The following PPM1B variants were observed in gnomAD, a reference collection of about 807,000 sequenced individuals.
PPM1B encodes the protein protein phosphatase, Mg2+/Mn2+ dependent 1B.
In PPM1B, 22 loss-of-function variants were observed where a neutral mutation model predicts 43.0. That is an observed-to-expected ratio of 0.51 (90% CI 0.37 to 0.73). The LOEUF (loss-of-function observed/expected upper bound fraction) is 0.73, where lower values mean the gene tolerates loss of function less well. Among genes scored for constraint, PPM1B ranks in the 30% least tolerant of loss-of-function variants. PPM1B has a pLI of 0.00. For missense variants in PPM1B, 632 were observed against 584.2 expected (o/e 1.08, Z -0.84); for synonymous variants, 217 against 197.9 (o/e 1.10, Z -0.81).
intron 5 of PPM1B, chr2:44,230,103 A>C (rs1255738008): frequency 6.7e-7 from 1 of 1,497,622 alleles, no homozygotes; most frequent in Non-Finnish European, 8.9e-7. Context: ...TTGTTTAAGT[A>C]AGTCAGTTTT....
intron 1 of PPM1B, among the ~76,000 whole-genome samples, chr2:44,190,317 G>A (rs753839038): frequency 2.6e-5 from 4 of 151,906 alleles, no homozygotes; most frequent in Non-Finnish European, 5.9e-5. Context: ...ACCACATCCA[G>A]CTAGTTTTTT....
downstream of PPM1B, among the ~76,000 whole-genome samples, chr2:44,235,677 C>T (rs6731878): frequency 0.53 from 79,642 of 149,584 alleles, 22,541 homozygotes; most frequent in South Asian, 0.65. Flanking sequence ...AGGAGGATTG[C>T]TTGAGGCCAG....
At chr2:44,224,143 A>G (rs541408978) in intron 5 of PPM1B, among the ~76,000 whole-genome samples, 1 of 152,232 alleles carries the variant, frequency 6.6e-6, no homozygotes, top group Admixed American at 6.5e-5. Context: ...CTCTACTGTT[A>G]TAAGTAGTCA....
At chr2:44,210,763 A>T (rs570461713) in intron 3 of PPM1B, among the ~76,000 whole-genome samples, 1 of 152,206 alleles carries the variant, frequency 6.6e-6, no homozygotes, top group East Asian at 1.9e-4. Context: ...AAATCAATTG[A>T]AAGTTGCAAA....
chr2:44,239,179 C>CAAAAAAAAAAAAAAAAAAAAAAAAAAAAA (rs1193340508), downstream of PPM1B, among the ~76,000 whole-genome samples: 1 of 89,636 alleles, frequency 1.1e-5, no homozygotes. Flanking sequence ...GTCTCTAATA[C>CAAAAAAAAAAAAAAAAAAAAAAAAAAAAA]AAAAAAAAAA....
downstream of PPM1B, chr2:44,234,294 G>C: frequency 1.2e-6 from 1 of 857,964 alleles, no homozygotes; most frequent in Non-Finnish European, 1.4e-6. Context: ...GCCAAGGCGG[G>C]TGGATCACGA....
At chr2:44,219,421 G>A (rs1026594567) in intron 5 of PPM1B, among the ~76,000 whole-genome samples, 4 of 152,006 alleles carry the variant, frequency 2.6e-5, no homozygotes, top group African/African-American at 9.7e-5. Context: ...GAAATCATAT[G>A]TCATCTCAAT....
intron 5 of PPM1B, among the ~76,000 whole-genome samples, chr2:44,229,397 C>G (rs146318414): frequency 2.7e-3 from 408 of 152,216 alleles, no homozygotes; most frequent in African/African-American, 9.3e-3. Context: ...CCAGTCTAAT[C>G]AAGTTTATCA....
chr2:44,177,418 C>CTTT (rs35330548), intron 1 of PPM1B, among the ~76,000 whole-genome samples: 7,456 of 122,490 alleles, frequency 0.061, 492 homozygotes, highest in Middle Eastern at 0.086. Flanking sequence ...GTGAAATAAC[C>CTTT]TTTTTTTTTT....
intron 1 of PPM1B, among the ~76,000 whole-genome samples, chr2:44,176,820 C>T (rs1446093698): frequency 1.3e-5 from 2 of 152,186 alleles, no homozygotes; most frequent in Admixed American, 6.6e-5. Context: ...AGCAAATCAA[C>T]CAACTGGCTG....
chr2:44,243,053 A>T (rs979677398), intron 5 of PPM1B, among the ~76,000 whole-genome samples: 1 of 152,114 alleles, frequency 6.6e-6, no homozygotes, highest in Admixed American at 6.6e-5. Context: ...CCTCATAGGG[A>T]TTTCCCCCCC....
intron 2 of PPM1B, among the ~76,000 whole-genome samples, chr2:44,208,036 G>A (rs550183648): frequency 9.2e-5 from 14 of 151,704 alleles, no homozygotes; most frequent in African/African-American, 2.7e-4. Context: ...TTACAGGTGC[G>A]CGCCACCACG....
rs1229108819 is a variant in PPM1B, at chr2:44,230,515, G to A, written c.1237G>A (p.Glu413Lys). 2 of 1,614,144 alleles carry A rather than the reference G, an allele frequency of 1.2e-6. No individual in the cohort carries two copies. The highest frequency in any genetic ancestry group is 1.6e-4 in the Middle Eastern group (1 of 6,062). The change falls in exon 6 of 6, where the codon GAG becomes AAG. Residue 413 changes from glutamate (E) to lysine (K), a missense_variant. This residue lies in a region of PPM1B where 392 missense variants were observed against 302.7 expected (regional missense o/e 1.29). Transcript: ENST00000282412. ...GGGAAACTACCGACAACTTCTGGAG[G>A]AGATGCTGACTAGTTACAGGCTAGC... ...HRGNYRQLLE[E>K]MLTSYRLAKV...
intron 1 of PPM1B, among the ~76,000 whole-genome samples, chr2:44,197,433 T>C (rs1224473772): frequency 6.6e-6 from 1 of 152,146 alleles, no homozygotes; most frequent in Non-Finnish European, 1.5e-5. Context: ...ATGTTAACTT[T>C]TTGCATTTAC....
intron 2 of PPM1B, 40 bp downstream of exon 2, chr2:44,202,085 T>C: frequency 6.8e-7 from 1 of 1,472,768 alleles, no homozygotes; most frequent in Non-Finnish European, 9.0e-7. Flanking sequence ...CATGTTAATT[T>C]TGAAAAGTTA....
intron 4 of PPM1B, 112 bp downstream of exon 4, chr2:44,218,190 T>C (rs1382849115): frequency 1.3e-6 from 1 of 792,178 alleles, no homozygotes; most frequent in Non-Finnish European, 2.1e-6. Flanking sequence ...TGAAATGGGT[T>C]AGTGTTTCTT....
chr2:44,195,612 G>A (rs1019511054), intron 1 of PPM1B, among the ~76,000 whole-genome samples: 3 of 152,170 alleles, frequency 2.0e-5, no homozygotes, highest in Non-Finnish European at 4.4e-5. Context: ...AGGAGTTCAA[G>A]GCTGCAGTGG....
chr2:44,232,355 CCTT>C (rs1471628220), downstream of PPM1B: 1 of 1,604,738 alleles, frequency 6.2e-7, no homozygotes. Context: ...GCCTTAAAAA[CCTT>C]CTAAAATGCT....
chr2:44,209,644 G>A (rs574720437), intron 3 of PPM1B, among the ~76,000 whole-genome samples: 28 of 152,138 alleles, frequency 1.8e-4, no homozygotes, highest in Middle Eastern at 3.4e-3. Flanking sequence ...GGGCATGGTG[G>A]CACACACCTG....
Sources: gnomAD v4.1 joint callset for allele counts (sites outside exome capture counted in the v4.1 genomes callset) on GRCh38, gnomAD v4.1.1 for gene constraint, gnomAD v4.1.1 regional missense constraint, MANE v1.5 for transcripts, NCBI Gene and HGNC (gene_info 2026-07-23, HGNC 2026-07-21) for gene names.